The following HIPK2 variants were observed in gnomAD, a reference collection of about 807,000 sequenced individuals.
HIPK2 encodes the protein homeodomain-interacting protein kinase 2.
A neutral mutation model predicts 113.7 loss-of-function variants in HIPK2; 27 were observed. The ratio of observed to expected loss-of-function variants is 0.24; its 90% confidence interval spans 0.17 to 0.33. The LOEUF (loss-of-function observed/expected upper bound fraction) is 0.33. Ranked by LOEUF, HIPK2 falls within the 10% of genes least tolerant of loss-of-function variation. The pLI is 1.00. For synonymous variants in HIPK2, 631 were observed against 642.2 expected, an observed-to-expected ratio of 0.98 and a Z score of 0.26; for missense variants, 1,257 against 1,588.0, an observed-to-expected ratio of 0.79 and a Z score of 3.54.
intron 1 of HIPK2, among the ~76,000 whole-genome samples, chr7:139,719,955 C>T (rs1406980231): frequency 6.6e-6 from 1 of 152,186 alleles, no homozygotes; most frequent in Non-Finnish European, 1.5e-5. Context: ...CATGCCACTC[C>T]CCTCTCCAAA....
At position 139,573,140 on chromosome 7, in the gene HIPK2, G is replaced by A; in HGVS notation, c.3384C>T (p.Arg1128=). Residue 1128 remains arginine, a synonymous_variant, in exon 15 of 15, where the codon CGC becomes CGT. Transcript: ENST00000406875. ...GGTAGGCAGTGTGCTGCACGGTGTG[G>A]CGCGCAGAGCCTTGCGAGGCCACCA... The part of the protein sequence containing the change: ...AHLVASQGSA[R]HTVQHTAYPA... 1 of 1,611,634 alleles carries A rather than the reference G, an allele frequency of 6.2e-7. No individual in the cohort carries two copies. The highest frequency in any genetic ancestry group is 1.1e-5 in the South Asian group (1 of 90,934).
At position 139,575,176 on chromosome 7, in the gene HIPK2, C is replaced by A; in HGVS notation, c.3078G>T (p.Gln1026His). The change falls in exon 14 of 15, where the codon CAG becomes CAT. Residue 1026 changes from glutamine (Q) to histidine (H), a missense_variant. Gln to His is a conservative substitution (Grantham distance 24). Transcript: ENST00000406875. ...SSSGAITYRQQRPGPHFQQQQ... is the reference protein window; with the variant it reads ...SSSGAITYRQHRPGPHFQQQQ... ...GCTGCTGGAAGTGGGGGCCCGGCCG[C>A]TGCTGCCGGTAGGTGATGGCTCCAG... 6.3e-7 allele frequency: 1 copy of A among 1,592,644 alleles called. No individual in the cohort carries two copies. The highest frequency in any genetic ancestry group is 8.5e-7 in the Non-Finnish European group (1 of 1,170,100).
At position 139,705,307 on chromosome 7, in the gene HIPK2, C is replaced by T. The variant is rs146514908; in HGVS notation, c.1103+10625G>A. Among the ~76,000 whole-genome samples, 966 of 152,284 alleles carry T rather than the reference C, an allele frequency of 6.3e-3. 13 individuals are homozygous for T. Among genetic ancestry groups the T allele is most frequent in the African/African-American group, 0.021 (863 of 41,552 alleles). On this transcript the variant is annotated intron_variant, in intron 2 of 14. Transcript: ENST00000406875. ...CAGAGGGCGAGTTACACGCATGCGGCTATCTCATTCAGTCCCTACCAACCT... is the reference window on the plus strand; with the variant it reads ...CAGAGGGCGAGTTACACGCATGCGGTTATCTCATTCAGTCCCTACCAACCT...
At chr7:139,715,890 C>T (rs771716287) in intron 2 of HIPK2, 42 bp downstream of exon 2, 1 of 1,587,142 alleles carries the variant, frequency 6.3e-7, no homozygotes, top group Non-Finnish European at 8.6e-7. Context: ...GTGAGTGCCA[C>T]TGGGCATTCA....
At chr7:139,681,890 G>A (rs918088079) in intron 2 of HIPK2, among the ~76,000 whole-genome samples, 2 of 152,158 alleles carry the variant, frequency 1.3e-5, no homozygotes, top group African/African-American at 4.8e-5. Context: ...CTGGTTCTAG[G>A]ACAGCATCTC....
chr7:139,641,317 AT>A (rs1801009014), intron 2 of HIPK2, among the ~76,000 whole-genome samples: 1 of 148,484 alleles, frequency 6.7e-6, no homozygotes, highest in East Asian at 2.0e-4. Flanking sequence ...GTGAGCTGAG[AT>A]TGCGCCACTA....
At chr7:139,633,033 T>C (rs1585303673) in intron 2 of HIPK2, among the ~76,000 whole-genome samples, 1 of 144,672 alleles carries the variant, frequency 6.9e-6, no homozygotes, top group Non-Finnish European at 1.5e-5. Context: ...GAGGTGGAGG[T>C]TGCAGTGAGC....
At chr7:139,749,279 C>A (rs939491941) in intron 1 of HIPK2, among the ~76,000 whole-genome samples, 1 of 152,228 alleles carries the variant, frequency 6.6e-6, no homozygotes, top group Non-Finnish European at 1.5e-5. Context: ...AAGCTATCCA[C>A]CAGCACAGTG....
intron 9 of HIPK2, among the ~76,000 whole-genome samples, chr7:139,612,606 G>A (rs1032478382): frequency 1.3e-5 from 2 of 152,190 alleles, no homozygotes; most frequent in Non-Finnish European, 1.5e-5. Context: ...ATCAGGGTTC[G>A]AGTGTCATTA....
intron 7 of HIPK2, among the ~76,000 whole-genome samples, chr7:139,618,223 G>A (rs1800122555): frequency 1.3e-5 from 2 of 152,168 alleles, no homozygotes; most frequent in Non-Finnish European, 1.5e-5. Flanking sequence ...GCTTAGTAAA[G>A]CCTGGCACAT....
chr7:139,728,872 T>C (rs1272983923), intron 1 of HIPK2, among the ~76,000 whole-genome samples: 1 of 152,246 alleles, frequency 6.6e-6, no homozygotes, highest in East Asian at 1.9e-4. Flanking sequence ...TATAAGTTCA[T>C]TTCAATTAGT....
At chr7:139,655,728 T>A (rs1450695291) in intron 2 of HIPK2, among the ~76,000 whole-genome samples, 1 of 152,184 alleles carries the variant, frequency 6.6e-6, no homozygotes. Flanking sequence ...ATTACATTTG[T>A]ATTTTGGAAA....
chr7:139,561,763 C>CTTTT lies in HIPK2; in HGVS notation c.*11160_*11163dup, dbSNP rs60315730. The CTTTT allele has an allele frequency of 6.8e-6, 1 of 148,008 alleles. No individual in the cohort carries two copies. The highest frequency in any genetic ancestry group is 2.5e-5 in the African/African-American group (1 of 39,484). 9.2% of individuals were successfully genotyped at this position (148,008 alleles called of 1,614,324 possible). A position where few individuals can be genotyped will look rare whatever the true frequency, so the allele number is the denominator to read the frequency against. ...GTTCACCACAATGGGACCCCCCCCC[C>CTTTT]TTTTTCTCACCCTACAGTTAGTAAT... On this transcript the variant is annotated 3_prime_UTR_variant, in exon 15 of 15. Transcript: ENST00000406875.
chr7:139,573,618 G>A (rs1424633859), intron 14 of HIPK2, among the ~76,000 whole-genome samples: 1 of 152,098 alleles, frequency 6.6e-6, no homozygotes, highest in African/African-American at 2.4e-5. Flanking sequence ...GAGGTGGGCG[G>A]ATCACCTGAG....
In HIPK2 at chr7:139,600,605, C is replaced by G. The variant is rs3735196; in HGVS notation, c.2256-9G>C. 0.024 allele frequency: 39,475 copies of G among 1,612,912 alleles called. 1,644 individuals are homozygous for G. Among genetic ancestry groups the G allele is most frequent in the African/African-American group, 0.19 (14,102 of 74,962 alleles). On this transcript the variant is annotated splice_polypyrimidine_tract_variant and intron_variant, in intron 10 of 14. Coordinates refer to ENST00000406875, the MANE Select transcript of HIPK2 (RefSeq NM_022740.5). ...CGTGAGCATGCGTATTTCTGAAAGG[C>G]AACCGGGACAACAAGGTGCCTTAGA...
At chr7:139,774,856 G>A (rs1445504594) in intron 1 of HIPK2, among the ~76,000 whole-genome samples, 1 of 152,110 alleles carries the variant, frequency 6.6e-6, no homozygotes, top group East Asian at 1.9e-4. Flanking sequence ...CTTTTTATAA[G>A]AAGTTCAGTT....
intron 2 of HIPK2, among the ~76,000 whole-genome samples, chr7:139,705,250 T>C (rs183869518): frequency 5.9e-5 from 9 of 152,370 alleles, no homozygotes; most frequent in Admixed American, 3.3e-4. Context: ...ATGGTGCTTA[T>C]TCGTGACAGA....
In HIPK2 at chr7:139,569,557, C is replaced by T. The variant is rs1798198282; in HGVS notation, c.*3370G>A. On this transcript the variant is annotated 3_prime_UTR_variant, in exon 15 of 15. Transcript: ENST00000406875. ...CATTCCCCGAGCCCATGAGATGCCA[C>T]CTGACGTCGCATCCCAGGCCTCTGG... is the stretch of plus-strand genomic sequence containing the variant. The T allele has an allele frequency of 6.6e-6, 1 of 152,140 alleles. No individual in the cohort carries two copies. Among genetic ancestry groups the T allele is most frequent in the Non-Finnish European group, 1.5e-5 (1 of 68,034 alleles). The allele number at this position is 152,140 out of a possible 1,614,324, so 9.4% of individuals were successfully genotyped here. A position where few individuals can be genotyped will look rare whatever the true frequency, so the allele number is the denominator to read the frequency against.
At chr7:139,682,450 T>C (rs540924707) in intron 2 of HIPK2, among the ~76,000 whole-genome samples, 117 of 152,292 alleles carry the variant, frequency 7.7e-4, no homozygotes, top group Non-Finnish European at 1.4e-3. Flanking sequence ...GACAGAGATG[T>C]CAGTTCCACC....
Sources: gnomAD v4.1 joint callset for allele counts (sites outside exome capture counted in the v4.1 genomes callset) on GRCh38, gnomAD v4.1.1 for gene constraint, MANE v1.5 for transcripts, NCBI Gene and HGNC (gene_info 2026-07-23, HGNC 2026-07-21) for gene names.